Variants in ENTHD1 observed in about 807,000 individuals in gnomAD.
ENTHD1 encodes the protein ENTH domain-containing protein 1.
In ENTHD1, 23 loss-of-function variants were observed where a neutral mutation model predicts 39.1. The ratio of observed to expected loss-of-function variants is 0.59; its 90% CI spans 0.42 to 0.83. The LOEUF (loss-of-function observed/expected upper bound fraction) is 0.83. Ranked by LOEUF, ENTHD1 falls within the 40% of genes least tolerant of loss-of-function variation. The pLI is 0.00. For missense variants in ENTHD1, 624 were observed against 705.4 expected, an observed-to-expected ratio of 0.88 and a Z score of 1.31; for synonymous variants, 230 against 258.2, an observed-to-expected ratio of 0.89 and a Z score of 1.05.
chr22:39,852,326 A>G (rs1168640641), intron 3 of ENTHD1, among the ~76,000 whole-genome samples: 1 of 152,174 alleles, frequency 6.6e-6, no homozygotes, highest in Non-Finnish European at 1.5e-5. Context: ...CAGCCTGGAC[A>G]ACAGAGTGAG....
At chr22:39,851,405 A>G (rs562211216) in intron 3 of ENTHD1, among the ~76,000 whole-genome samples, 1 of 152,148 alleles carries the variant, frequency 6.6e-6, no homozygotes, top group African/African-American at 2.4e-5. Context: ...GATGCATGCG[A>G]TTATATCCTT....
intron 5 of ENTHD1, among the ~76,000 whole-genome samples, chr22:39,820,023 T>C (rs1398838011): frequency 1.3e-5 from 2 of 152,196 alleles, no homozygotes; most frequent in African/African-American, 2.4e-5. Flanking sequence ...TAACTAATTA[T>C]CCATGTGACT....
chr22:39,811,817 A>G (rs2065688421), intron 5 of ENTHD1, among the ~76,000 whole-genome samples: 1 of 151,986 alleles, frequency 6.6e-6, no homozygotes, highest in South Asian at 2.1e-4. Flanking sequence ...GTCTCTACTA[A>G]AAATACAAAA....
chr22:39,814,951 T>C (rs2065722091), intron 5 of ENTHD1, among the ~76,000 whole-genome samples: 2 of 152,078 alleles, frequency 1.3e-5, no homozygotes, highest in African/African-American at 4.8e-5. Context: ...CCATACAAAG[T>C]GTAAAGACAA....
At chr22:39,781,130 G>T (rs1445619082) in intron 5 of ENTHD1, among the ~76,000 whole-genome samples, 5 of 152,040 alleles carry the variant, frequency 3.3e-5, no homozygotes, top group East Asian at 1.9e-4. Context: ...AGAAACATCA[G>T]AGTTAAACTA....
rs571584461 is a variant in ENTHD1, at chr22:39,823,384, G to A, written c.712-2271C>T. On this transcript the variant is annotated intron_variant, in intron 4 of 6. Coordinates refer to ENST00000325157, the MANE Select transcript of ENTHD1 (RefSeq NM_152512.4). ...TTTTGAGACAGAGTCTCAGTCTGTC[G>A]CCCAGGCTGGAGTGCAGTGGCGCCA... 1.1e-4 allele frequency among the ~76,000 whole-genome samples: 16 copies of A among 152,114 alleles called. No homozygotes were observed. In the South Asian group the frequency reaches 2.5e-3, roughly 24 times the overall value.
At chr22:39,860,613 C>T (rs1394584285) in intron 3 of ENTHD1, among the ~76,000 whole-genome samples, 1 of 152,184 alleles carries the variant, frequency 6.6e-6, no homozygotes, top group Non-Finnish European at 1.5e-5. Flanking sequence ...CAGAAAAGTA[C>T]CTGAATGATT....
intron 3 of ENTHD1, among the ~76,000 whole-genome samples, chr22:39,847,359 G>A (rs2065997657): frequency 8.2e-6 from 1 of 121,468 alleles, no homozygotes; most frequent in Middle Eastern, 4.2e-3. Context: ...ATCACACTCT[G>A]GGGACTGTTG....
At position 39,764,359 on chromosome 22, in the gene ENTHD1, G is replaced by A. The variant is rs1052524751; in HGVS notation, c.1219+864C>T. On this transcript the variant is annotated intron_variant, in intron 6 of 6. Transcript: ENST00000325157. ...GGAGTGGTGGCATGCACCTGTAGTCGTAGCTATTTGGAAGGCTGAGGGGTG... is the reference window on the plus strand; with the variant it reads ...GGAGTGGTGGCATGCACCTGTAGTCATAGCTATTTGGAAGGCTGAGGGGTG... Among the ~76,000 whole-genome samples the A allele has an allele frequency of 4.6e-5, 7 of 152,078 alleles. No individual in the cohort carries two copies. In the East Asian group the frequency reaches 5.8e-4, roughly 13 times the overall value.
At chr22:39,811,164 A>T (rs1028923702) in intron 5 of ENTHD1, among the ~76,000 whole-genome samples, 1 of 152,262 alleles carries the variant, frequency 6.6e-6, no homozygotes, top group African/African-American at 2.4e-5. Context: ...TCCCCTCTAA[A>T]GTCAGAGACA....
chr22:39,762,626 A>AT (rs900693312), intron 6 of ENTHD1, among the ~76,000 whole-genome samples: 5 of 151,990 alleles, frequency 3.3e-5, no homozygotes, highest in African/African-American at 9.6e-5. Context: ...TAATATGTAT[A>AT]TTTTTTGTAG....
intron 3 of ENTHD1, among the ~76,000 whole-genome samples, chr22:39,850,736 A>G (rs1485616927): frequency 1.3e-5 from 2 of 152,146 alleles, no homozygotes; most frequent in African/African-American, 4.8e-5. Context: ...TTACCTTTAA[A>G]AGTTTACAGT....
At chr22:39,886,077 G>A (rs986778480) in intron 2 of ENTHD1, among the ~76,000 whole-genome samples, 18 of 151,216 alleles carry the variant, frequency 1.2e-4, no homozygotes, top group African/African-American at 4.4e-4. Flanking sequence ...TTTAAAAAAA[G>A]GGAAGAAAAA....
chr22:39,748,570 G>A (rs1224981114), intron 6 of ENTHD1, among the ~76,000 whole-genome samples: 5 of 151,168 alleles, frequency 3.3e-5, no homozygotes, highest in South Asian at 2.1e-4. Flanking sequence ...GCAGGTGCCC[G>A]TCACCACGCC....
chr22:39,749,343 A>AC (rs1445745773), intron 6 of ENTHD1, among the ~76,000 whole-genome samples: 2 of 152,232 alleles, frequency 1.3e-5, no homozygotes, highest in African/African-American at 2.4e-5. Flanking sequence ...TGATATTTGC[A>AC]CACCAATTAA....
chr22:39,847,566 TAAAA>T (rs58935186), intron 3 of ENTHD1, among the ~76,000 whole-genome samples: 1 of 144,816 alleles, frequency 6.9e-6, no homozygotes, highest in African/African-American at 2.5e-5. Flanking sequence ...TTAGCAAACT[TAAAA>T]AAAAAAAGAC....
At chr22:39,819,575 G>T (rs1030868975) in intron 5 of ENTHD1, among the ~76,000 whole-genome samples, 1 of 152,152 alleles carries the variant, frequency 6.6e-6, no homozygotes, top group East Asian at 1.9e-4. Flanking sequence ...ATCACTGGTT[G>T]TTAGGGGTTA....
chr22:39,882,701 T>C (rs1337604923), intron 2 of ENTHD1, among the ~76,000 whole-genome samples: 2 of 152,050 alleles, frequency 1.3e-5, no homozygotes, highest in Non-Finnish European at 2.9e-5. Context: ...TATATCACAT[T>C]CATTAGAAAA....
At chr22:39,761,185 A>AT (rs1048049632) in intron 6 of ENTHD1, among the ~76,000 whole-genome samples, 25 of 151,852 alleles carry the variant, frequency 1.6e-4, no homozygotes, top group African/African-American at 6.0e-4. Context: ...TTTCATCTTC[A>AT]TTTTTTTGGT....
Sources: gnomAD v4.1 joint callset for allele counts (sites outside exome capture counted in the v4.1 genomes callset) on GRCh38, gnomAD v4.1.1 for gene constraint, MANE v1.5 for transcripts, NCBI Gene and HGNC (gene_info 2026-07-23, HGNC 2026-07-21) for gene names.